The following CIDEA variants were observed in gnomAD, a reference collection of about 807,000 sequenced individuals.
CIDEA encodes the protein cell death inducing DFFA like effector a.
In CIDEA, 10 loss-of-function variants were observed where a neutral mutation model predicts 18.2. The ratio of observed to expected loss-of-function variants is 0.55; its 90% CI spans 0.34 to 0.93. CIDEA has a LOEUF of 0.93. Ranked by LOEUF, CIDEA falls within the 40% of genes least tolerant of loss-of-function variation. The pLI is 0.02. For synonymous variants in CIDEA, 128 were observed against 124.8 expected, an observed-to-expected ratio of 1.03 and a Z score of -0.17; for missense variants, 309 against 293.1, an observed-to-expected ratio of 1.05 and a Z score of -0.40.
intron 1 of CIDEA, among the ~76,000 whole-genome samples, chr18:12,255,547 G>A (rs1912008540): frequency 6.6e-6 from 1 of 152,186 alleles, no homozygotes. Context: ...AGGCCTAAAG[G>A]TCAGGGCCCT....
rs138611481 is a variant in CIDEA, at chr18:12,274,092, G to A, written c.331-1G>A. 1 of 1,614,106 alleles carries A rather than the reference G, an allele frequency of 6.2e-7. No homozygotes were observed. Among genetic ancestry groups the A allele is most frequent in the Non-Finnish European group, 8.5e-7 (1 of 1,179,992 alleles). ...GCCTGCCCCTCCCCCCATTGTCACA[G>A]GGCAGCCAGCACGTCCCCACTTGCT... On this transcript the variant is annotated splice_acceptor_variant, in intron 3 of 4. Transcript: ENST00000320477. LOFTEE classifies it high-confidence loss of function.
At chr18:12,260,880 G>A (rs192696155) in intron 1 of CIDEA, among the ~76,000 whole-genome samples, 1 of 152,246 alleles carries the variant, frequency 6.6e-6, no homozygotes. Flanking sequence ...ACAAGCATTT[G>A]TCCAAATAGC....
intron 3 of CIDEA, among the ~76,000 whole-genome samples, chr18:12,268,986 C>A (rs1055529254): frequency 5.1e-4 from 78 of 151,958 alleles, no homozygotes; most frequent in African/African-American, 1.8e-3. Context: ...CCACCACGCC[C>A]AGCTAATTTT....
At chr18:12,258,582 A>G (rs755181147) in intron 1 of CIDEA, among the ~76,000 whole-genome samples, 3 of 152,156 alleles carry the variant, frequency 2.0e-5, no homozygotes, top group Non-Finnish European at 4.4e-5. Flanking sequence ...TTGGGGGCGA[A>G]GAGGGGCTCT....
chr18:12,254,547 T>C (rs1160758931), intron 1 of CIDEA, 126 bp downstream of exon 1: 2 of 1,102,152 alleles, frequency 1.8e-6, no homozygotes, highest in Non-Finnish European at 2.5e-6. Context: ...CCCCGCATTC[T>C]CTTGCGCTCC....
chr18:12,275,226 G>A (rs1905291539), intron 4 of CIDEA, among the ~76,000 whole-genome samples: 1 of 152,208 alleles, frequency 6.6e-6, no homozygotes, highest in Admixed American at 6.5e-5. Context: ...AGGAGGCTGA[G>A]GCAGGAGAAT....
At chr18:12,274,295 C>A in intron 4 of CIDEA, 21 bp downstream of exon 4, 1 of 1,612,544 alleles carries the variant, frequency 6.2e-7, no homozygotes, top group Non-Finnish European at 8.5e-7. Context: ...CCAGGGGTCA[C>A]CTCCGGGGGT....
In CIDEA at chr18:12,254,484, A is replaced by G. The variant is rs144729600; in HGVS notation, c.38+63A>G. ...CAATCGCCTTGCGTTCGGTGGCCTC[A>G]TATTCCCCTGTGCGCCTCTAGTACC... On this transcript the variant is annotated intron_variant, in intron 1 of 4. Transcript: ENST00000320477. 8.3e-6 allele frequency: 13 copies of G among 1,570,526 alleles called. No homozygotes were observed. In the African/African-American group the frequency reaches 9.4e-5, roughly 11 times the overall value.
At chr18:12,273,833 A>G (rs1912619123) in intron 3 of CIDEA, among the ~76,000 whole-genome samples, 1 of 152,218 alleles carries the variant, frequency 6.6e-6, no homozygotes, top group African/African-American at 2.4e-5. Flanking sequence ...CCTAAAATCC[A>G]GGCCCTGACG....
chr18:12,277,580 C>A lies in CIDEA; in HGVS notation c.*310C>A. The stretch of plus-strand genomic sequence containing the variant: ...ATCATCTCCTGCAATAAACCCATCG[C>A]AAGAATGACCTTCAAGATGTGTGAC... On this transcript the variant is annotated 3_prime_UTR_variant, in exon 5 of 5. Coordinates refer to ENST00000320477, the MANE Select transcript of CIDEA (RefSeq NM_001279.4). 4.1e-6 allele frequency: 1 copy of A among 241,228 alleles called. No homozygotes were observed. The highest frequency in any genetic ancestry group is 8.0e-6 in the Non-Finnish European group (1 of 125,332). The allele number at this position is 241,228 out of a possible 1,614,324, so 14.9% of individuals were successfully genotyped here.
intron 1 of CIDEA, among the ~76,000 whole-genome samples, chr18:12,258,897 G>A (rs1346027315): frequency 6.6e-6 from 1 of 152,198 alleles, no homozygotes; most frequent in Non-Finnish European, 1.5e-5. Context: ...TGAGGTGGAG[G>A]CGACGCCAGG....
At chr18:12,271,032 G>A (rs186077404) in intron 3 of CIDEA, among the ~76,000 whole-genome samples, 8 of 150,836 alleles carry the variant, frequency 5.3e-5, no homozygotes, top group Non-Finnish European at 8.8e-5. Flanking sequence ...CCGAGTAGCT[G>A]GGATTACAGG....
chr18:12,264,280 C>G, intron 2 of CIDEA, 27 bp from the exon 3 acceptor site: 1 of 1,543,002 alleles, frequency 6.5e-7, no homozygotes. Flanking sequence ...GGCTTCACTC[C>G]ATTTCTCTGA....
chr18:12,254,872 G>A (rs143361741), intron 1 of CIDEA: 2 of 1,325,196 alleles, frequency 1.5e-6, no homozygotes, highest in Non-Finnish European at 2.0e-6. Flanking sequence ...AGCTGGGCGC[G>A]GGAGGGGCCC....
At chr18:12,267,214 G>T (rs781459689) in intron 3 of CIDEA, among the ~76,000 whole-genome samples, 1 of 152,220 alleles carries the variant, frequency 6.6e-6, no homozygotes, top group Non-Finnish European at 1.5e-5. Context: ...ACAACACCAC[G>T]TCAGCAGGTG....
chr18:12,267,997 T>C (rs528456807), intron 3 of CIDEA, among the ~76,000 whole-genome samples: 164 of 152,314 alleles, frequency 1.1e-3, no homozygotes, highest in African/African-American at 3.7e-3. Flanking sequence ...ATGTCGTTAG[T>C]GTCAAGGTCG....
chr18:12,274,921 T>C (rs1912663176), intron 4 of CIDEA, among the ~76,000 whole-genome samples: 1 of 152,248 alleles, frequency 6.6e-6, no homozygotes, highest in Admixed American at 6.5e-5. Flanking sequence ...ACCCCTGCCA[T>C]TGAGCCTGGG....
chr18:12,269,279 GT>G (rs1267983775), intron 3 of CIDEA, among the ~76,000 whole-genome samples: 8 of 152,164 alleles, frequency 5.3e-5, no homozygotes, highest in Non-Finnish European at 8.8e-5. Flanking sequence ...GTAACATATT[GT>G]TTTGATGGAA....
Position 12,274,146 on chromosome 18 carries a change from A to T in CIDEA, c.384A>T (p.Arg128Ser). ...CSPPKRSGIA[R>S]VTFDLYRLNP... The stretch of plus-strand genomic sequence containing the variant: ...CGCCGAAGAGGTCGGGAATAGCGAG[A>T]GTCACCTTCGACTTGTACAGGCTGA... Residue 128 changes from arginine (R) to serine (S), a missense_variant, in exon 4 of 5, where the codon AGA (arginine) becomes AGT (serine). Transcript: ENST00000320477. 6.2e-7 allele frequency: 1 copy of T among 1,614,188 alleles called. No homozygotes were observed. Among genetic ancestry groups the T allele is most frequent in the Non-Finnish European group, 8.5e-7 (1 of 1,180,034 alleles).
Sources: gnomAD v4.1 joint callset for allele counts (sites outside exome capture counted in the v4.1 genomes callset) on GRCh38, gnomAD v4.1.1 for gene constraint, MANE v1.5 for transcripts, NCBI Gene and HGNC (gene_info 2026-07-23, HGNC 2026-07-21) for gene names.